The following EPB41L5 variants were observed in gnomAD, a reference collection of about 807,000 sequenced individuals.
EPB41L5 encodes the protein band 4.1-like protein 5.
A neutral mutation model predicts 106.6 loss-of-function variants in EPB41L5; 55 were observed. That is an observed-to-expected ratio of 0.52 (90% CI 0.42 to 0.65). The LOEUF (loss-of-function observed/expected upper bound fraction) is 0.65, where lower values mean the gene tolerates loss of function less well. Ranked by LOEUF, EPB41L5 falls within the 30% of genes least tolerant of loss-of-function variation. The pLI, the probability that EPB41L5 is intolerant of heterozygous loss-of-function variation, is 0.00. For missense variants in EPB41L5, 871 were observed against 882.1 expected, an observed-to-expected ratio of 0.99 and a Z score of 0.16; for synonymous variants, 297 against 306.7, an observed-to-expected ratio of 0.97 and a Z score of 0.33.
At chr2:120,137,007 A>G (rs1685951179) in intron 18 of EPB41L5, among the ~76,000 whole-genome samples, 1 of 152,100 alleles carries the variant, frequency 6.6e-6, no homozygotes, top group South Asian at 2.1e-4. Flanking sequence ...TCAAAAAAAC[A>G]AATCATTTCC....
chr2:120,123,172 T>C (rs1685306266), intron 16 of EPB41L5, among the ~76,000 whole-genome samples: 1 of 152,226 alleles, frequency 6.6e-6, no homozygotes, highest in Non-Finnish European at 1.5e-5. Context: ...CTTGAAACTT[T>C]AAAACTCTAA....
rs745918601 is a variant in EPB41L5, at chr2:120,077,016, T to C, written c.551T>C (p.Val184Ala). Residue 184 changes from valine to alanine, a missense_variant, in exon 8 of 25, where the codon GTC (valine) becomes GCC (alanine). Coordinates refer to ENST00000263713, the MANE Select transcript of EPB41L5 (RefSeq NM_020909.4). ...YDLAEHSPEL[V>A]SEFRFVPIQT... The stretch of plus-strand genomic sequence containing the variant: ...CTTGCTGAGCATAGTCCTGAACTTG[T>C]CTCAGAGTTCAGATTCGTGCCTATT... 5.0e-6 allele frequency: 8 copies of C among 1,612,188 alleles called. No homozygotes were observed. The South Asian group carries it at 8.8e-5, about 18-fold the overall frequency.
chr2:120,019,374 T>A, intron 2 of EPB41L5, 110 bp downstream of exon 2: 1 of 984,720 alleles, frequency 1.0e-6, no homozygotes, highest in Non-Finnish European at 1.5e-6. Context: ...AAAGGTATTA[T>A]GGGTTAGTAT....
chr2:120,078,500 A>T lies in EPB41L5; in HGVS notation c.722A>T (p.Asp241Val). The T allele has an allele frequency of 6.2e-7, 1 of 1,603,714 alleles. No individual in the cohort carries two copies. Among genetic ancestry groups the T allele is most frequent in the Non-Finnish European group, 8.5e-7 (1 of 1,175,482 alleles). The change falls in exon 10 of 25, where the codon GAT (aspartate) becomes GTT (valine). Residue 241 changes from aspartate (D) to valine (V), a missense_variant. Asp to Val is a radical substitution (Grantham distance 152). Transcript: ENST00000263713. ...GVDMHVVKAR[D>V]GNDYSLGLTP... ...TTTCTCCCCTTAAATTAGGCTAGAG[A>T]TGGGAATGACTATAGTTTGGGACTA...
intron 20 of EPB41L5, among the ~76,000 whole-genome samples, chr2:120,156,370 C>T (rs1210397097): frequency 2.0e-5 from 3 of 152,182 alleles, no homozygotes; most frequent in Non-Finnish European, 2.9e-5. Flanking sequence ...ATGCACCAGC[C>T]TGCCCACTCC....
chr2:120,154,675 C>T (rs901850258), intron 20 of EPB41L5, among the ~76,000 whole-genome samples: 3 of 151,938 alleles, frequency 2.0e-5, no homozygotes, highest in East Asian at 2.0e-4. Context: ...GCCTGTAATC[C>T]CAGCACTTTG....
chr2:120,029,813 C>G (rs1463570472), intron 2 of EPB41L5, among the ~76,000 whole-genome samples: 1 of 152,146 alleles, frequency 6.6e-6, no homozygotes, highest in Non-Finnish European at 1.5e-5. Context: ...TCATGCAGGC[C>G]TTGGAATCCC....
In EPB41L5 at chr2:120,127,854, A is replaced by G; in HGVS notation, c.1501+3A>G. ...GGAACCTGAAGTTGAATATGAGAGT[A>G]AGTAAATGTTCCATTATACATCAGT... On this transcript the variant is annotated splice_donor_region_variant and intron_variant, in intron 17 of 24. Transcript: ENST00000263713. The G allele has an allele frequency of 6.2e-7, 1 of 1,604,922 alleles. No individual in the cohort carries two copies. The highest frequency in any genetic ancestry group is 8.5e-7 in the Non-Finnish European group (1 of 1,173,340).
intron 16 of EPB41L5, chr2:120,106,135 A>G: frequency 1.0e-6 from 1 of 985,348 alleles, no homozygotes; most frequent in Non-Finnish European, 1.2e-6. Flanking sequence ...GTTACATTTA[A>G]GGGAAGATTC....
At chr2:120,088,776 A>G (rs1683230344) in intron 11 of EPB41L5, among the ~76,000 whole-genome samples, 1 of 152,108 alleles carries the variant, frequency 6.6e-6, no homozygotes, top group South Asian at 2.1e-4. Context: ...CATTGTAGCC[A>G]TTCTTGTGGA....
At chr2:120,060,906 A>T (rs931488832) in intron 3 of EPB41L5, among the ~76,000 whole-genome samples, 3 of 152,114 alleles carry the variant, frequency 2.0e-5, no homozygotes, top group African/African-American at 7.2e-5. Context: ...TAAAAAATAA[A>T]CATAGCATGG....
At position 120,125,885 on chromosome 2, in the gene EPB41L5, T is replaced by G. The variant is rs370798650; in HGVS notation, c.1338-1803T>G. On this transcript the variant is annotated intron_variant, in intron 16 of 24. Coordinates refer to ENST00000263713, the MANE Select transcript of EPB41L5 (RefSeq NM_020909.4). ...GGGCAAGGTGTTGGCAGGGTTGCTTTCTTTGAGGACTCTGAGAAAGACTCT... is the reference window on the plus strand; with the variant it reads ...GGGCAAGGTGTTGGCAGGGTTGCTTGCTTTGAGGACTCTGAGAAAGACTCT... Among the ~76,000 whole-genome samples the G allele has an allele frequency of 7.6e-4, 115 of 152,242 alleles. No homozygotes were observed. The South Asian group carries it at 9.6e-3, about 13-fold the overall frequency.
intron 18 of EPB41L5, among the ~76,000 whole-genome samples, chr2:120,139,816 A>C (rs1225240709): frequency 6.6e-6 from 1 of 152,042 alleles, no homozygotes; most frequent in Admixed American, 6.6e-5. Context: ...ACTGCTAGAT[A>C]ATATGCCCAA....
intron 2 of EPB41L5, among the ~76,000 whole-genome samples, chr2:120,029,382 A>C (rs1678552794): frequency 6.6e-6 from 1 of 152,156 alleles, no homozygotes. Context: ...CAATATACAA[A>C]TTTTGTATTT....
At chr2:120,016,088 T>C (rs1574456308) in intron 1 of EPB41L5, among the ~76,000 whole-genome samples, 1 of 152,294 alleles carries the variant, frequency 6.6e-6, no homozygotes, top group East Asian at 1.9e-4. Flanking sequence ...TTTCTTTAGG[T>C]TATCCTTCCA....
chr2:120,125,430 T>C (rs1038854884), intron 16 of EPB41L5, among the ~76,000 whole-genome samples: 7 of 152,146 alleles, frequency 4.6e-5, no homozygotes, highest in African/African-American at 7.2e-5. Context: ...ATGGGAAATA[T>C]ATTTACATAT....
intron 7 of EPB41L5, 111 bp downstream of exon 7, chr2:120,075,864 G>A (rs1337991356): frequency 3.6e-6 from 3 of 842,634 alleles, no homozygotes; most frequent in East Asian, 5.1e-5. Context: ...CACTGTTTTT[G>A]TATAAACTTG....
intron 1 of EPB41L5, among the ~76,000 whole-genome samples, chr2:120,018,808 C>T (rs1345929628): frequency 6.6e-6 from 1 of 152,036 alleles, no homozygotes; most frequent in Admixed American, 6.6e-5. Flanking sequence ...ACCACCACAC[C>T]TGGCTAATTT....
intron 3 of EPB41L5, among the ~76,000 whole-genome samples, chr2:120,064,018 A>AT (rs1681273367): frequency 6.6e-6 from 1 of 152,130 alleles, no homozygotes; most frequent in South Asian, 2.1e-4. Flanking sequence ...TGGAAGATAT[A>AT]TTTTAATGGT....
Sources: allele counts gnomAD v4.1 joint callset (sites outside exome capture counted in the v4.1 genomes callset), GRCh38; gene constraint gnomAD v4.1.1; transcripts MANE v1.5; gene names NCBI Gene and HGNC (gene_info 2026-07-23, HGNC 2026-07-21).